Variants in SLC36A1 observed in about 807,000 individuals in gnomAD.
SLC36A1 encodes the protein proton-coupled amino acid transporter 1.
A neutral mutation model predicts 47.5 loss-of-function variants in SLC36A1; 30 were observed. The ratio of observed to expected loss-of-function variants is 0.63; its 90% confidence interval spans 0.47 to 0.86. The LOEUF (loss-of-function observed/expected upper bound fraction) is 0.86. SLC36A1 is among the 40% of genes least tolerant of loss of function. The pLI is 0.00. For synonymous variants in SLC36A1, 255 were observed against 249.7 expected (o/e 1.02, Z -0.20); for missense variants, 517 against 606.0 (o/e 0.85, Z 1.54).
At chr5:151,435,364 A>G (rs1759707085), upstream of SLC36A1, among the ~76,000 whole-genome samples, 1 of 152,232 alleles carries the variant, frequency 6.6e-6, no homozygotes, top group Admixed American at 6.5e-5. Flanking sequence ...TTCAAACAAA[A>G]GAAATTGGAG....
chr5:151,529,220 T>C, the SLC36A1 span: 1 of 1,613,974 alleles, frequency 6.2e-7, no homozygotes, highest in African/African-American at 1.3e-5. Context: ...CTAAGACCCT[T>C]GTGCTATATG....
the SLC36A1 span, among the ~76,000 whole-genome samples, chr5:151,533,904 T>A: frequency 0.18 from 27,539 of 152,030 alleles, 3,046 homozygotes; most frequent in East Asian, 0.41. Flanking sequence ...CAATTTACCT[T>A]GTAAATTTTA....
At chr5:151,525,095 A>C in the SLC36A1 span, among the ~76,000 whole-genome samples, 3 of 152,274 alleles carry the variant, frequency 2.0e-5, no homozygotes, top group African/African-American at 7.2e-5. Context: ...GTAGATGCTC[A>C]ATAAATACTT....
chr5:151,522,132 C>T, the SLC36A1 span: 1 of 1,435,218 alleles, frequency 7.0e-7, no homozygotes, highest in Non-Finnish European at 9.4e-7. Flanking sequence ...AACTGCAGTG[C>T]TCTTGCGCCC....
chr5:151,360,008 A>G, the SLC36A1 span, among the ~76,000 whole-genome samples: 2 of 152,132 alleles, frequency 1.3e-5, no homozygotes, highest in Admixed American at 6.5e-5. Flanking sequence ...TTTTTTGTGG[A>G]CGTAAGTTTT....
In SLC36A1 at chr5:151,468,040, G is replaced by A. The variant is rs906864004; in HGVS notation, c.723+115G>A. ...GGAGGTGGGGGCGGGTGGATCACCT[G>A]AGATCAGGAGTTTGAGACCAGCCTG... On this transcript the variant is annotated intron_variant, in intron 7 of 10. Transcript: ENST00000243389. 2.4e-5 allele frequency: 20 copies of A among 829,422 alleles called. No individual in the cohort carries two copies. In the African/African-American group the frequency reaches 2.8e-4, roughly 11 times the overall value. The allele number at this position is 829,422 out of a possible 1,614,324, so 51.4% of individuals were successfully genotyped here. A position where few individuals can be genotyped will look rare whatever the true frequency, so the allele number is the denominator to read the frequency against.
At chr5:151,494,401 G>T (rs961182755), downstream of SLC36A1, among the ~76,000 whole-genome samples, 1 of 152,126 alleles carries the variant, frequency 6.6e-6, no homozygotes, top group Non-Finnish European at 1.5e-5. Context: ...TCTCAATCAA[G>T]ATACAGAATG....
In SLC36A1 at chr5:151,465,166, G is replaced by A. The variant is rs1395385062; in HGVS notation, c.416G>A (p.Gly139Glu). 1 of 1,613,172 alleles carries A rather than the reference G, an allele frequency of 6.2e-7. No homozygotes were observed. Among genetic ancestry groups the A allele is most frequent in the East Asian group, 2.2e-5 (1 of 44,880 alleles). ...TGGCTCCGGAACCACGCACACTGGG[G>A]AAGGTAACTGATTTCCTCCTTCCTT... ...CSWLRNHAHW[G>E]RRVVDFFLIV... The change falls in exon 5 of 11, where the codon GGA becomes GAA. Residue 139 changes from glycine (G) to glutamate (E), a missense_variant. Transcript: ENST00000243389.
chr5:151,522,393 T>A, the SLC36A1 span, among the ~76,000 whole-genome samples: 1 of 152,230 alleles, frequency 6.6e-6, no homozygotes, highest in Non-Finnish European at 1.5e-5. Flanking sequence ...AGCCATAGAC[T>A]TGGGCTAACT....
the SLC36A1 span, among the ~76,000 whole-genome samples, chr5:151,385,661 G>A: frequency 1.3e-5 from 2 of 151,918 alleles, no homozygotes; most frequent in East Asian, 3.9e-4. Context: ...AGCCCCTTTT[G>A]CCAAAATGGG....
intron 2 of SLC36A1, among the ~76,000 whole-genome samples, chr5:151,462,007 G>C (rs1196715243): frequency 6.6e-6 from 1 of 150,936 alleles, no homozygotes; most frequent in Non-Finnish European, 1.5e-5. Flanking sequence ...ACAAACTGTA[G>C]GTCATTCAGA....
the SLC36A1 span, among the ~76,000 whole-genome samples, chr5:151,517,261 G>A: frequency 6.6e-6 from 1 of 152,206 alleles, no homozygotes; most frequent in Admixed American, 6.5e-5. Flanking sequence ...GATTCCATGG[G>A]GTTTGAGCAC....
chr5:151,415,139 T>C, the SLC36A1 span, among the ~76,000 whole-genome samples: 1 of 152,322 alleles, frequency 6.6e-6, no homozygotes, highest in African/African-American at 2.4e-5. Context: ...CTGAATACTC[T>C]GCTTGGTCTT....
At chr5:151,416,020 C>CA in the SLC36A1 span, among the ~76,000 whole-genome samples, 1 of 152,334 alleles carries the variant, frequency 6.6e-6, no homozygotes, top group East Asian at 1.9e-4. Flanking sequence ...GTAGGAGAAT[C>CA]ACTTGAGCCC....
At chr5:151,543,536 T>C in the SLC36A1 span, 1 of 1,614,222 alleles carries the variant, frequency 6.2e-7, no homozygotes, top group Non-Finnish European at 8.5e-7. Context: ...TTGGGGTTTA[T>C]GGAGAACTTC....
At chr5:151,361,245 C>A in the SLC36A1 span, among the ~76,000 whole-genome samples, 1 of 152,010 alleles carries the variant, frequency 6.6e-6, no homozygotes, top group Non-Finnish European at 1.5e-5. Context: ...TCGTTGAGAC[C>A]CCTGGTGTAG....
chr5:151,546,947 T>C, the SLC36A1 span, among the ~76,000 whole-genome samples: 1,205 of 152,304 alleles, frequency 7.9e-3, 12 homozygotes, highest in African/African-American at 0.026. Flanking sequence ...CCTGAGCAAA[T>C]ATCTTTGCCC....
chr5:151,546,690 A>G, the SLC36A1 span, among the ~76,000 whole-genome samples: 1 of 152,088 alleles, frequency 6.6e-6, no homozygotes, highest in Non-Finnish European at 1.5e-5. Context: ...TTCAGTTTGC[A>G]TCATACAGAA....
At chr5:151,550,631 C>G in the SLC36A1 span, 129 of 1,614,150 alleles carry the variant, frequency 8.0e-5, no homozygotes, top group African/African-American at 1.6e-3. Flanking sequence ...GAGCCGAGGT[C>G]CAATTTTCCC....
Sources: gnomAD v4.1 joint callset for allele counts (sites outside exome capture counted in the v4.1 genomes callset) on GRCh38, gnomAD v4.1.1 for gene constraint, MANE v1.5 for transcripts, NCBI Gene and HGNC (gene_info 2026-07-23, HGNC 2026-07-21) for gene names.